Variants in CCDC42 observed in about 807,000 individuals in gnomAD.
CCDC42 encodes coiled-coil domain-containing protein 42.
In CCDC42, 38 loss-of-function variants were observed where a neutral mutation model predicts 40.8. The ratio of observed to expected loss-of-function variants is 0.93; its 90% CI spans 0.72 to 1.22. The LOEUF is 1.22. Among genes scored for constraint, CCDC42 ranks in the 50% most tolerant of loss-of-function variants. The pLI, the probability that CCDC42 is intolerant of heterozygous loss-of-function variation, is 0.00. For missense variants in CCDC42, 379 were observed against 416.5 expected, an observed-to-expected ratio of 0.91 and a Z score of 0.78; for synonymous variants, 135 against 157.5, an observed-to-expected ratio of 0.86 and a Z score of 1.07.
chr17:8,740,570 C>T (rs941392217), intron 4 of CCDC42, among the ~76,000 whole-genome samples: 16 of 150,900 alleles, frequency 1.1e-4, no homozygotes, highest in Non-Finnish European at 1.9e-4. Context: ...TGGGAAGAGG[C>T]GCCCCCGCCG....
chr17:8,742,888 T>C (rs1192543655), intron 3 of CCDC42, among the ~76,000 whole-genome samples: 2 of 152,240 alleles, frequency 1.3e-5, no homozygotes, highest in African/African-American at 4.8e-5. Flanking sequence ...AAATCTCTTC[T>C]GCCCCAACCA....
At chr17:8,742,554 C>T (rs12450927) in intron 3 of CCDC42, among the ~76,000 whole-genome samples, 9 of 152,244 alleles carry the variant, frequency 5.9e-5, no homozygotes, top group Admixed American at 5.9e-4. Context: ...TGGCTCCTTT[C>T]TCCCTTCAGG....
rs1408586268 is a variant in CCDC42, at chr17:8,735,681, A to G, written c.493-70T>C. ...CTGAGGGAGCCACCCAGTCCTGCCA[A>G]CCTCCAGCCTGGATGCCTGGACACC... On this transcript the variant is annotated intron_variant, in intron 4 of 6. Transcript: ENST00000293845. This position sits in a 1 kb window ranked among gnomAD's most constrained non-coding sequence, Gnocchi z 4.7. 9 of 1,351,562 alleles carry G rather than the reference A, an allele frequency of 6.7e-6. No individual in the cohort carries two copies. The highest frequency in any genetic ancestry group is 4.4e-5 in the African/African-American group (3 of 68,620). The allele number at this position is 1,351,562 out of a possible 1,614,324, so 83.7% of individuals were successfully genotyped here.
At chr17:8,739,659 C>T (rs1281370705) in intron 4 of CCDC42, among the ~76,000 whole-genome samples, 1 of 152,208 alleles carries the variant, frequency 6.6e-6, no homozygotes, top group Non-Finnish European at 1.5e-5. Context: ...TCTCCTGCCT[C>T]AGCCTTCCGA....
At chr17:8,736,978 A>G (rs2086615104) in intron 4 of CCDC42, among the ~76,000 whole-genome samples, 1 of 137,158 alleles carries the variant, frequency 7.3e-6, no homozygotes, top group Non-Finnish European at 1.7e-5. Context: ...AGAAGAAGAA[A>G]GAGAGAGAGG....
chr17:8,735,221 C>T lies in CCDC42; in HGVS notation c.748G>A (p.Ala250Thr). The change falls in exon 6 of 7, where the codon GCC becomes ACC. Residue 250 changes from alanine (A) to threonine (T), a missense_variant. Ala to Thr is a moderately conservative substitution (Grantham distance 58). Transcript: ENST00000293845. This position sits in a 1 kb window ranked among gnomAD's most constrained non-coding sequence, Gnocchi z 4.7. ...GTGCCAAGCAGGAGGGTCTTCTTGG[C>T]TGCGGTGTTCTGGATGTGCGCCCAG... ...SRWAHIQNTAAKKTLLLGTIK... is the reference protein window; with the variant it reads ...SRWAHIQNTATKKTLLLGTIK... 4 of 1,614,134 alleles carry T rather than the reference C, an allele frequency of 2.5e-6. No homozygotes were observed. The highest frequency in any genetic ancestry group is 2.5e-6 in the Non-Finnish European group (3 of 1,180,022).
chr17:8,732,464 T>C (rs551972032), intron 6 of CCDC42, among the ~76,000 whole-genome samples: 1 of 152,320 alleles, frequency 6.6e-6, no homozygotes, highest in South Asian at 2.1e-4. Flanking sequence ...CAGCTGCTGA[T>C]ACTGTTACCA....
chr17:8,744,149 G>A lies in CCDC42; in HGVS notation c.119C>T (p.Pro40Leu). ...TTTCTTCTCCAGTAGCCAGATGGATGGGGACTCCGACGCCCCCTCAACATT... is the reference window on the plus strand; with the variant it reads ...TTTCTTCTCCAGTAGCCAGATGGATAGGGACTCCGACGCCCCCTCAACATT... Reference protein sequence around the residue: ...LPNVEGASESPSIWLLEKKKE... With the variant: ...LPNVEGASESLSIWLLEKKKE... Residue 40 changes from proline to leucine, a missense_variant, in exon 2 of 7, where the codon CCA becomes CTA. Coordinates refer to ENST00000293845, the MANE Select transcript of CCDC42 (RefSeq NM_144681.3). The A allele has an allele frequency of 1.2e-6, 2 of 1,613,958 alleles. No individual in the cohort carries two copies. Among genetic ancestry groups the A allele is most frequent in the Non-Finnish European group, 1.7e-6 (2 of 1,179,942 alleles).
In CCDC42 at chr17:8,744,642, C is replaced by T; in HGVS notation, c.-33G>A. ...GTGACCTCACGGCCCAGGCAGCTGA[C>T]TCTTCACAGTGAAATTGTGGGTAGC... is the stretch of plus-strand genomic sequence containing the variant. On this transcript the variant is annotated 5_prime_UTR_variant, in exon 1 of 7. Transcript: ENST00000293845. The T allele has an allele frequency of 6.6e-7, 1 of 1,522,258 alleles. No individual in the cohort carries two copies. The allele number at this position is 1,522,258 out of a possible 1,614,324, so 94.3% of individuals were successfully genotyped here. A position where few individuals can be genotyped will look rare whatever the true frequency, so the allele number is the denominator to read the frequency against.
chr17:8,733,038 C>T (rs933653723), intron 6 of CCDC42, among the ~76,000 whole-genome samples: 7 of 152,002 alleles, frequency 4.6e-5, no homozygotes, highest in South Asian at 2.1e-4. Context: ...GAAGCCTCAT[C>T]GAGAAATTTC....
intron 6 of CCDC42, among the ~76,000 whole-genome samples, chr17:8,730,920 G>A (rs1487714953): frequency 6.6e-6 from 1 of 152,184 alleles, no homozygotes; most frequent in Non-Finnish European, 1.5e-5. Context: ...CAAGGTGGTC[G>A]TGCATTCGAA....
Position 8,744,085 on chromosome 17 carries a change from C to T in CCDC42, c.183G>A (p.Lys61=). The part of the protein sequence containing the change: ...TEIMHQTMVQ[K]KKMFQRRMET... ...TCCATCCCTGAGTCCCCACCTTCTT[C>T]TTCTGCACCATAGTTTGATGCATGA... Residue 61 remains lysine (K), a synonymous_variant, in exon 2 of 7, where the codon AAG becomes AAA. Transcript: ENST00000293845. 6.2e-7 allele frequency: 1 copy of T among 1,612,256 alleles called. No individual in the cohort carries two copies. Among genetic ancestry groups the T allele is most frequent in the East Asian group, 2.2e-5 (1 of 44,876 alleles).
At chr17:8,742,755 G>A (rs1283059228) in intron 3 of CCDC42, among the ~76,000 whole-genome samples, 1 of 152,192 alleles carries the variant, frequency 6.6e-6, no homozygotes, top group Non-Finnish European at 1.5e-5. Flanking sequence ...ATACAAGCCT[G>A]GGCCCAACCT....
Position 8,730,186 on chromosome 17 carries a change from G to A in CCDC42, c.895C>T (p.Arg299Trp), listed in dbSNP as rs760247325. 3.7e-6 allele frequency: 6 copies of A among 1,613,870 alleles called. No individual in the cohort carries two copies. The highest frequency in any genetic ancestry group is 2.2e-5 in the East Asian group (1 of 44,868). The change falls in exon 7 of 7, where the codon CGG (arginine) becomes TGG (tryptophan). Residue 299 changes from arginine to tryptophan, a missense_variant. Transcript: ENST00000293845. ...TTCACCTCTGCCCAGATGTCCGACCGGTCTTGGATAAATTGCTGGATCTAG... is the reference window on the plus strand; with the variant it reads ...TTCACCTCTGCCCAGATGTCCGACCAGTCTTGGATAAATTGCTGGATCTAG... ...LDMIQQFIQD[R>W]SDIWAEVKKK...
chr17:8,732,613 A>G (rs2086588195), intron 6 of CCDC42, among the ~76,000 whole-genome samples: 1 of 152,200 alleles, frequency 6.6e-6, no homozygotes, highest in South Asian at 2.1e-4. Context: ...GCCCCAAAGG[A>G]GTCCTGTGGT....
At chr17:8,738,055 G>A (rs907915489) in intron 4 of CCDC42, among the ~76,000 whole-genome samples, 1 of 152,030 alleles carries the variant, frequency 6.6e-6, no homozygotes, top group Admixed American at 6.6e-5. Context: ...TGAACTCCTG[G>A]GCTCAAGTGA....
At chr17:8,733,675 G>A (rs1032616580) in intron 6 of CCDC42, among the ~76,000 whole-genome samples, 5 of 152,280 alleles carry the variant, frequency 3.3e-5, no homozygotes, top group Middle Eastern at 6.8e-3. Flanking sequence ...ATTTTTAGTA[G>A]AGATGGGGTT....
rs992524585 is a variant in CCDC42 at position 8,741,680 on chromosome 17, CG to C, written c.295-10del. 5.0e-6 allele frequency: 8 copies of C among 1,610,610 alleles called. No homozygotes were observed. Among genetic ancestry groups the C allele is most frequent in the South Asian group, 1.1e-5 (1 of 90,886 alleles). ...CGTTTCTGGTCGTTCTCCTGGGGCC[CG>C]GGGAGGTGGCGCTGGTCAGGAAGCC... On this transcript the variant is annotated splice_polypyrimidine_tract_variant and intron_variant, in intron 3 of 6. Coordinates refer to ENST00000293845, the MANE Select transcript of CCDC42 (RefSeq NM_144681.3).
intron 3 of CCDC42, among the ~76,000 whole-genome samples, chr17:8,742,218 C>A (rs1057286669): frequency 9.9e-5 from 15 of 152,148 alleles, no homozygotes; most frequent in African/African-American, 3.6e-4. Flanking sequence ...TCTCCCAATT[C>A]AGTACTCGGT....
Sources: allele counts gnomAD v4.1 joint callset (sites outside exome capture counted in the v4.1 genomes callset), GRCh38; gene constraint gnomAD v4.1.1; non-coding constraint Gnocchi (gnomAD v3.1); transcripts MANE v1.5; gene names NCBI Gene and HGNC (gene_info 2026-07-23, HGNC 2026-07-21).